PADI3: variants seen among roughly 807,000 people sequenced by gnomAD.
The protein encoded by PADI3 is protein-arginine deiminase type-3.
Under a neutral mutation model 71.5 loss-of-function variants are expected in PADI3, and 53 were observed. That is an observed-to-expected ratio of 0.74 (90% CI 0.59 to 0.93). The LOEUF (loss-of-function observed/expected upper bound fraction) is 0.93. Among genes scored for constraint, PADI3 ranks in the 40% least tolerant of loss-of-function variants. The pLI, the probability that PADI3 is intolerant of heterozygous loss-of-function variation, is 0.00. For synonymous variants in PADI3, 361 were observed against 347.5 expected (o/e 1.04, Z -0.43); for missense variants, 821 against 868.0 (o/e 0.95, Z 0.68).
rs1215614798 is a variant in PADI3 at position 17,266,499 on chromosome 1, C to T, written c.409-220C>T. Among the ~76,000 whole-genome samples, 4 of 152,174 alleles carry T rather than the reference C, an allele frequency of 2.6e-5. No individual in the cohort carries two copies. The East Asian group carries it at 5.8e-4, about 22-fold the overall frequency. ...TGAGAAAGAGGATGTTGGCTGAAGG[C>T]CCATCACAGATAGCCATGAAAGACA... On this transcript the variant is annotated intron_variant, in intron 4 of 15. Coordinates refer to ENST00000375460, the MANE Select transcript of PADI3 (RefSeq NM_016233.2).
chr1:17,266,089 A>G (rs886064114), intron 4 of PADI3, among the ~76,000 whole-genome samples: 2 of 152,250 alleles, frequency 1.3e-5, no homozygotes, highest in African/African-American at 4.8e-5. Context: ...GAAAGCAGCC[A>G]CAGTTAATAC....
At chr1:17,265,246 G>C (rs1215380350) in intron 3 of PADI3, among the ~76,000 whole-genome samples, 1 of 152,106 alleles carries the variant, frequency 6.6e-6, no homozygotes, top group East Asian at 1.9e-4. Context: ...AGGACACACA[G>C]CCAGGAGGCG....
chr1:17,256,793 G>A (rs2073033740), intron 1 of PADI3, among the ~76,000 whole-genome samples: 1 of 152,154 alleles, frequency 6.6e-6, no homozygotes, highest in Non-Finnish European at 1.5e-5. Context: ...TCCCAGCTGG[G>A]AGGCTGAGGC....
At chr1:17,249,429 G>A (rs762795377) in intron 1 of PADI3, among the ~76,000 whole-genome samples, 200 bp downstream of exon 1, 4 of 152,166 alleles carry the variant, frequency 2.6e-5, no homozygotes, top group Non-Finnish European at 4.4e-5. Context: ...TGAAGTTTGG[G>A]AGGCTGAGCC....
chr1:17,254,967 C>T (rs1282786955), intron 1 of PADI3, among the ~76,000 whole-genome samples: 6 of 152,024 alleles, frequency 3.9e-5, no homozygotes, highest in Non-Finnish European at 7.4e-5. Context: ...CCACCCTCCT[C>T]GGCCTCCCAA....
intron 13 of PADI3, 51 bp downstream of exon 13, chr1:17,276,927 A>G: frequency 2.7e-6 from 4 of 1,466,352 alleles, no homozygotes; most frequent in Non-Finnish European, 3.7e-6. Context: ...CCCTTACCCA[A>G]ATTAAGACAC....
chr1:17,266,600 C>A (rs557402327), intron 4 of PADI3, 119 bp from the exon 5 acceptor site: 289 of 775,558 alleles, frequency 3.7e-4, no homozygotes, highest in Non-Finnish European at 5.9e-4. Flanking sequence ...GGAGGTGCTT[C>A]GAGAACGTGG....
intron 6 of PADI3, 107 bp downstream of exon 6, chr1:17,268,069 C>T (rs544932778): frequency 1.2e-5 from 16 of 1,315,530 alleles, no homozygotes; most frequent in South Asian, 5.1e-5. Context: ...GCTTACACTC[C>T]GGGAGATGCC....
chr1:17,271,854 A>AAAAAAAAGAG (rs1553135554), intron 9 of PADI3, among the ~76,000 whole-genome samples: 5 of 132,320 alleles, frequency 3.8e-5, no homozygotes, highest in African/African-American at 1.2e-4. Flanking sequence ...AAAAAAAAAA[A>AAAAAAAAGAG]AGAGAGAGAG....
chr1:17,259,884 G>A, intron 2 of PADI3, 126 bp downstream of exon 2: 1 of 733,820 alleles, frequency 1.4e-6, no homozygotes, highest in Non-Finnish European at 2.1e-6. Flanking sequence ...TGGCCTTGGA[G>A]CCATACTGCT....
At position 17,268,111 on chromosome 1, in the gene PADI3, C is replaced by T. The variant is rs1042556161; in HGVS notation, c.652+149C>T. On this transcript the variant is annotated intron_variant, in intron 6 of 15. Coordinates refer to ENST00000375460, the MANE Select transcript of PADI3 (RefSeq NM_016233.2). ...GGTGGCGGGTCGCAGTAAGAACAGT[C>T]AGAAGTGGGGGCTTTGGAACTGATG... The T allele has an allele frequency of 3.3e-5, 28 of 853,672 alleles. No homozygotes were observed. The African/African-American group carries it at 4.2e-4, about 13-fold the overall frequency. 52.9% of individuals were successfully genotyped at this position (853,672 alleles called of 1,614,324 possible). A position where few individuals can be genotyped will look rare whatever the true frequency, so the allele number is the denominator to read the frequency against.
intron 5 of PADI3, 24 bp downstream of exon 5, chr1:17,266,860 C>T: frequency 6.4e-7 from 1 of 1,558,620 alleles, no homozygotes; most frequent in Non-Finnish European, 8.9e-7. Flanking sequence ...AGCCTGAGTC[C>T]CTGGGTGTCC....
At chr1:17,259,905 C>A in intron 2 of PADI3, 147 bp downstream of exon 2, 1 of 638,984 alleles carries the variant, frequency 1.6e-6, no homozygotes, top group Non-Finnish European at 2.6e-6. Context: ...GATTTTGAAT[C>A]CCAGCTCTGC....
chr1:17,270,467 G>T, intron 7 of PADI3, 56 bp downstream of exon 7: 7 of 1,482,086 alleles, frequency 4.7e-6, no homozygotes, highest in Non-Finnish European at 6.4e-6. Context: ...TGGGCAACAT[G>T]GTGAAACCCC....
chr1:17,274,393 G>T (rs2073296862), intron 10 of PADI3, among the ~76,000 whole-genome samples: 1 of 152,232 alleles, frequency 6.6e-6, no homozygotes. Context: ...AGCGCCCCCT[G>T]CTGTCTTGCC....
chr1:17,274,611 G>T (rs1183785691), intron 10 of PADI3, 24 bp from the exon 11 acceptor site: 2 of 1,598,280 alleles, frequency 1.3e-6, no homozygotes, highest in South Asian at 1.1e-5. Context: ...CTCCACCCCC[G>T]CCTGACTTGG....
In PADI3 at chr1:17,276,889, G is replaced by T. The variant is rs2073340961; in HGVS notation, c.1555+13G>T. ...CAGGGGGTTGTTGGTGGGTAACAGTGCCGTGTCCCTCCTTGCGGCTTGCCT... is the reference window on the plus strand; with the variant it reads ...CAGGGGGTTGTTGGTGGGTAACAGTTCCGTGTCCCTCCTTGCGGCTTGCCT... On this transcript the variant is annotated intron_variant, in intron 13 of 15. Coordinates refer to ENST00000375460, the MANE Select transcript of PADI3 (RefSeq NM_016233.2). 1 of 1,596,646 alleles carries T rather than the reference G, an allele frequency of 6.3e-7. No homozygotes were observed. The highest frequency in any genetic ancestry group is 8.5e-7 in the Non-Finnish European group (1 of 1,170,402).
At chr1:17,271,579 G>A (rs1557509172) in intron 9 of PADI3, among the ~76,000 whole-genome samples, 1 of 152,064 alleles carries the variant, frequency 6.6e-6, no homozygotes, top group Non-Finnish European at 1.5e-5. Context: ...CGCCTCAGTA[G>A]TGTCGAGGCT....
At chr1:17,269,915 A>G (rs188480662) in intron 6 of PADI3, among the ~76,000 whole-genome samples, 30 of 152,278 alleles carry the variant, frequency 2.0e-4, no homozygotes, top group African/African-American at 6.3e-4. Context: ...CACCGTGCCC[A>G]GCCTGTAGAT....
Sources: gnomAD v4.1 joint callset for allele counts (sites outside exome capture counted in the v4.1 genomes callset) on GRCh38, gnomAD v4.1.1 for gene constraint, MANE v1.5 for transcripts, NCBI Gene and HGNC (gene_info 2026-07-23, HGNC 2026-07-21) for gene names.